The following KCNH1 variants were observed in gnomAD, a reference collection of about 807,000 sequenced individuals.
The protein encoded by KCNH1 is potassium voltage-gated channel subfamily H member 1.
KCNH1 carries 27 observed loss-of-function variants against 69.2 expected under a neutral mutation model. The ratio of observed to expected loss-of-function variants is 0.39; its 90% CI spans 0.29 to 0.54. The LOEUF (loss-of-function observed/expected upper bound fraction) is 0.54, where lower values mean the gene tolerates loss of function less well. KCNH1 is among the 20% of genes least tolerant of loss of function. The probability of loss-of-function intolerance (pLI) is 0.68; values close to 1 mark genes in which losing one functional copy is unlikely to be tolerated. For synonymous variants in KCNH1, 456 were observed against 487.7 expected (o/e 0.93, Z 0.86); for missense variants, 798 against 1,261.6 (o/e 0.63, Z 5.57).
chr1:210,735,820 C>G (rs11119586), intron 10 of KCNH1, among the ~76,000 whole-genome samples: 3,892 of 68,042 alleles, frequency 0.057, 106 homozygotes, highest in African/African-American at 0.11. Flanking sequence ...CACACACACA[C>G]AGAGAGAGAG....
At chr1:210,985,061 T>C (rs1309158969) in intron 6 of KCNH1, among the ~76,000 whole-genome samples, 2 of 152,150 alleles carry the variant, frequency 1.3e-5, no homozygotes, top group Non-Finnish European at 2.9e-5. Flanking sequence ...GATTTTCAAG[T>C]TTTTTGTGTA....
chr1:211,049,269 A>G (rs1409236457), intron 5 of KCNH1, among the ~76,000 whole-genome samples: 2 of 152,224 alleles, frequency 1.3e-5, no homozygotes, highest in Non-Finnish European at 2.9e-5. Context: ...GAAAAGAGAA[A>G]ACAAATTGAC....
In KCNH1 at chr1:210,680,595, G is replaced by A. The variant is rs113394841; in HGVS notation, c.*2686C>T. 0.018 allele frequency: 2,797 copies of A among 152,286 alleles called. 38 individuals are homozygous for A. Among genetic ancestry groups the A allele is most frequent in the Middle Eastern group, 0.061 (18 of 294 alleles). The allele number at this position is 152,286 out of a possible 1,614,324, so 9.4% of individuals were successfully genotyped here. A position where few individuals can be genotyped will look rare whatever the true frequency, so the allele number is the denominator to read the frequency against. ...CAGAGTGGCATCCTGGCATGGGAAG[G>A]CAGTCAGCACAAAGCAGCCTGCGGT... On this transcript the variant is annotated 3_prime_UTR_variant, in exon 11 of 11. Transcript: ENST00000271751.
At chr1:210,976,192 T>C (rs899740126) in intron 6 of KCNH1, among the ~76,000 whole-genome samples, 6 of 151,894 alleles carry the variant, frequency 4.0e-5, no homozygotes, top group Non-Finnish European at 7.4e-5. Context: ...GACAGTGTGG[T>C]GATTCCTCAA....
intron 7 of KCNH1, among the ~76,000 whole-genome samples, chr1:210,817,526 C>G (rs1327614110): frequency 6.6e-6 from 1 of 152,108 alleles, no homozygotes; most frequent in African/African-American, 2.4e-5. Context: ...AGTCACCCAG[C>G]CAGTAACAGA....
intron 10 of KCNH1, among the ~76,000 whole-genome samples, chr1:210,740,303 A>G (rs1682989484): frequency 6.6e-6 from 1 of 152,168 alleles, no homozygotes; most frequent in Non-Finnish European, 1.5e-5. Flanking sequence ...CAGTTACAAA[A>G]TCAACTCTCC....
chr1:211,107,216 A>G, intron 2 of KCNH1, 38 bp downstream of exon 2: 1 of 1,610,880 alleles, frequency 6.2e-7, no homozygotes, highest in Non-Finnish European at 8.5e-7. Flanking sequence ...AAGATACCAT[A>G]ATAGATTGTT....
intron 6 of KCNH1, among the ~76,000 whole-genome samples, chr1:210,970,227 C>A (rs998952561): frequency 1.3e-5 from 2 of 151,964 alleles, no homozygotes; most frequent in Non-Finnish European, 1.5e-5. Flanking sequence ...TTAAGCCTTG[C>A]ACACATTAGC....
chr1:210,998,872 T>A (rs1021919110), intron 6 of KCNH1, among the ~76,000 whole-genome samples: 1 of 151,988 alleles, frequency 6.6e-6, no homozygotes, highest in Non-Finnish European at 1.5e-5. Context: ...TCAAAACCGC[T>A]CAAACTACAT....
chr1:211,030,389 C>T (rs550212442), intron 5 of KCNH1, among the ~76,000 whole-genome samples: 2 of 152,180 alleles, frequency 1.3e-5, no homozygotes, highest in South Asian at 2.1e-4. Flanking sequence ...GTAATGAAGA[C>T]TATGTGGTAT....
At chr1:210,775,600 C>G in intron 9 of KCNH1, 56 bp from the exon 10 acceptor site, 1 of 1,407,378 alleles carries the variant, frequency 7.1e-7, no homozygotes, top group Non-Finnish European at 9.9e-7. Context: ...TCTGCCCATC[C>G]AGCTGGCTTC....
intron 10 of KCNH1, among the ~76,000 whole-genome samples, chr1:210,758,834 G>A (rs773111822): frequency 2.0e-5 from 3 of 152,130 alleles, no homozygotes; most frequent in African/African-American, 4.8e-5. Context: ...GAAGGCAAAC[G>A]CACACTGGGA....
chr1:210,984,545 T>C (rs1688790101), intron 6 of KCNH1, among the ~76,000 whole-genome samples: 1 of 152,350 alleles, frequency 6.6e-6, no homozygotes, highest in East Asian at 1.9e-4. Context: ...GTGGTTTTTG[T>C]CACTGGTTCT....
At chr1:210,867,168 T>C (rs922984262) in intron 7 of KCNH1, among the ~76,000 whole-genome samples, 2 of 151,990 alleles carry the variant, frequency 1.3e-5, no homozygotes, top group Non-Finnish European at 2.9e-5. Context: ...TTGGGAGTTA[T>C]GAAAATGTTC....
At chr1:211,097,620 C>T (rs1691181019) in intron 3 of KCNH1, among the ~76,000 whole-genome samples, 1 of 152,242 alleles carries the variant, frequency 6.6e-6, no homozygotes, top group Admixed American at 6.5e-5. Context: ...AGATTTGGCT[C>T]TACAACTAGA....
In KCNH1 at chr1:210,734,818, G is replaced by T. The variant is rs766022754; in HGVS notation, c.2112+40530C>A. 7.9e-5 allele frequency among the ~76,000 whole-genome samples: 12 copies of T among 152,056 alleles called. No individual in the cohort carries two copies. In the South Asian group the frequency reaches 1.4e-3, roughly 18 times the overall value. ...AGCCTTAATAGCACCTACCCCATAA[G>T]GTTGTTTGAAGGACTAAAGGAAATA... is the stretch of plus-strand genomic sequence containing the variant. On this transcript the variant is annotated intron_variant, in intron 10 of 10. Transcript: ENST00000271751.
chr1:210,732,060 G>A (rs545229304), intron 10 of KCNH1, among the ~76,000 whole-genome samples: 44 of 152,162 alleles, frequency 2.9e-4, no homozygotes, highest in African/African-American at 8.9e-4. Flanking sequence ...GAATTCATCC[G>A]ATGGGAGGGA....
intron 5 of KCNH1, among the ~76,000 whole-genome samples, chr1:211,081,388 A>G (rs577431016): frequency 3.3e-5 from 5 of 152,348 alleles, no homozygotes; most frequent in African/African-American, 9.6e-5. Flanking sequence ...AACTAGCTCA[A>G]CCATTGTGGA....
intron 10 of KCNH1, among the ~76,000 whole-genome samples, chr1:210,691,969 G>A (rs1681536897): frequency 6.6e-6 from 1 of 152,218 alleles, no homozygotes; most frequent in Admixed American, 6.5e-5. Flanking sequence ...GTTAGGAGGA[G>A]TAGGAATGCA....
Sources: allele counts gnomAD v4.1 joint callset (sites outside exome capture counted in the v4.1 genomes callset), GRCh38; gene constraint gnomAD v4.1.1; transcripts MANE v1.5; gene names NCBI Gene and HGNC (gene_info 2026-07-23, HGNC 2026-07-21).